Variants in PTPN4 observed in about 807,000 individuals in gnomAD.
PTPN4 encodes the protein protein tyrosine phosphatase non-receptor type 4.
Under a neutral mutation model 135.5 loss-of-function variants are expected in PTPN4, and 49 were observed. The ratio of observed to expected loss-of-function variants is 0.36; its 90% CI spans 0.29 to 0.46. The LOEUF (loss-of-function observed/expected upper bound fraction) is 0.46. PTPN4 is among the 20% of genes least tolerant of loss of function. The pLI is 1.00. For synonymous variants in PTPN4, 333 were observed against 369.9 expected (o/e 0.90, Z 1.14); for missense variants, 860 against 1,101.0 (o/e 0.78, Z 3.10).
chr2:119,881,856 A>T (rs1370623805), intron 6 of PTPN4, 26 bp downstream of exon 6: 3 of 1,470,732 alleles, frequency 2.0e-6, no homozygotes, highest in African/African-American at 1.4e-5. Context: ...TTCTTAAAAA[A>T]TTTTTTGTAA....
intron 5 of PTPN4, among the ~76,000 whole-genome samples, chr2:119,878,652 T>C (rs1678020018): frequency 6.6e-6 from 1 of 151,458 alleles, no homozygotes; most frequent in Non-Finnish European, 1.5e-5. Context: ...AGATTTCTTT[T>C]CAGTCAGTGT....
At chr2:119,818,084 A>G (rs1400670398) in intron 2 of PTPN4, among the ~76,000 whole-genome samples, 2 of 152,162 alleles carry the variant, frequency 1.3e-5, no homozygotes, top group African/African-American at 4.8e-5. Flanking sequence ...GGTTTTCTAG[A>G]TATAGGATCA....
At chr2:119,877,275 T>A (rs1263254107) in intron 3 of PTPN4, 48 bp from the exon 4 acceptor site, 1 of 1,573,390 alleles carries the variant, frequency 6.4e-7, no homozygotes, top group African/African-American at 1.4e-5. Flanking sequence ...ATCAATATAG[T>A]AGTTCCTCAA....
intron 1 of PTPN4, among the ~76,000 whole-genome samples, chr2:119,779,983 A>G (rs900685082): frequency 6.6e-6 from 1 of 152,000 alleles, no homozygotes; most frequent in African/African-American, 2.4e-5. Context: ...TGGACTCAAG[A>G]ACTCTGCCCT....
chr2:119,946,625 T>TA (rs1232440876), intron 18 of PTPN4, 51 bp downstream of exon 18: 11 of 1,304,450 alleles, frequency 8.4e-6, no homozygotes, highest in Middle Eastern at 1.9e-4. Context: ...AATATGTACT[T>TA]ATTTTATAAT....
In PTPN4 at chr2:119,973,494, A is replaced by G. The variant is rs189571070; in HGVS notation, c.2695-3490A>G. Among the ~76,000 whole-genome samples the G allele has an allele frequency of 1.7e-4, 26 of 152,192 alleles. No individual in the cohort carries two copies. The East Asian group carries it at 4.4e-3, about 26-fold the overall frequency. On this transcript the variant is annotated intron_variant, in intron 26 of 26. Transcript: ENST00000263708. ...GACCTTGCTTTCATTTCTTTCAGGT[A>G]TATACCTAGAAGAGGAATTCCTGGA...
At chr2:119,832,742 C>CTT (rs565968570) in intron 2 of PTPN4, among the ~76,000 whole-genome samples, 4 of 150,464 alleles carry the variant, frequency 2.7e-5, no homozygotes, top group Non-Finnish European at 3.0e-5. Flanking sequence ...ATTCTTGTAC[C>CTT]TTTTTTTTTA....
intron 8 of PTPN4, among the ~76,000 whole-genome samples, chr2:119,884,024 C>T (rs970075157): frequency 2.6e-5 from 4 of 152,270 alleles, no homozygotes; most frequent in South Asian, 4.1e-4. Context: ...CTCAGCCTCC[C>T]GGTAGCCAGG....
At chr2:119,914,937 T>A (rs936793387) in intron 10 of PTPN4, among the ~76,000 whole-genome samples, 1 of 152,190 alleles carries the variant, frequency 6.6e-6, no homozygotes, top group Non-Finnish European at 1.5e-5. Context: ...TTTTGAAATT[T>A]TAATTTGTGA....
chr2:119,926,121 A>G (rs926186640), intron 12 of PTPN4, among the ~76,000 whole-genome samples: 1 of 152,214 alleles, frequency 6.6e-6, no homozygotes, highest in African/African-American at 2.4e-5. Flanking sequence ...TACATTTGAT[A>G]TACCGCAAAT....
At chr2:119,899,042 T>G (rs1437183518) in intron 9 of PTPN4, among the ~76,000 whole-genome samples, 1 of 152,172 alleles carries the variant, frequency 6.6e-6, no homozygotes, top group Non-Finnish European at 1.5e-5. Flanking sequence ...CTGTTTCTCT[T>G]TACTGTAGCC....
intron 2 of PTPN4, among the ~76,000 whole-genome samples, chr2:119,815,734 T>C (rs1333397000): frequency 6.6e-6 from 1 of 152,186 alleles, no homozygotes; most frequent in African/African-American, 2.4e-5. Flanking sequence ...TTATGGAGTA[T>C]AATTCAAAAA....
intron 2 of PTPN4, among the ~76,000 whole-genome samples, chr2:119,827,900 C>T (rs1677167610): frequency 6.6e-6 from 1 of 152,110 alleles, no homozygotes; most frequent in African/African-American, 2.4e-5. Flanking sequence ...TAGCTAGTGT[C>T]AATAGATGGC....
chr2:119,862,480 G>A, intron 2 of PTPN4, 56 bp from the exon 3 acceptor site: 2 of 1,475,214 alleles, frequency 1.4e-6, no homozygotes, highest in East Asian at 2.3e-5. Flanking sequence ...GTTAAAAAAT[G>A]TGAAGAATGT....
intron 1 of PTPN4, among the ~76,000 whole-genome samples, chr2:119,781,617 C>T (rs1288664407): frequency 6.6e-6 from 1 of 152,084 alleles, no homozygotes; most frequent in East Asian, 1.9e-4. Flanking sequence ...CAAATCTGAC[C>T]ACCACCTTTT....
intron 2 of PTPN4, among the ~76,000 whole-genome samples, chr2:119,824,625 A>G (rs1197051271): frequency 6.6e-6 from 1 of 152,114 alleles, no homozygotes; most frequent in Admixed American, 6.5e-5. Flanking sequence ...TTAGATACCC[A>G]TTTGGGACTG....
At chr2:119,835,715 T>G (rs1174492713) in intron 2 of PTPN4, among the ~76,000 whole-genome samples, 1 of 152,114 alleles carries the variant, frequency 6.6e-6, no homozygotes, top group Non-Finnish European at 1.5e-5. Flanking sequence ...TAAATAATTA[T>G]GTTTTTTCTT....
Position 119,915,147 on chromosome 2 carries a change from A to G in PTPN4, c.765-32A>G, listed in dbSNP as rs149290775. ...TTGTTAATATTTTTATCATTATTCAATACTTTGAATAATTTATTGTCTTTT... is the reference window on the plus strand; with the variant it reads ...TTGTTAATATTTTTATCATTATTCAGTACTTTGAATAATTTATTGTCTTTT... On this transcript the variant is annotated intron_variant, in intron 10 of 26. Transcript: ENST00000263708. The G allele has an allele frequency of 6.5e-5, 95 of 1,461,714 alleles. 1 individual carries two copies. The African/African-American group carries it at 9.8e-4, about 15-fold the overall frequency. The allele number at this position is 1,461,714 out of a possible 1,614,324, so 90.5% of individuals were successfully genotyped here.
chr2:119,971,588 T>C (rs1306114476), intron 26 of PTPN4, among the ~76,000 whole-genome samples: 2 of 152,224 alleles, frequency 1.3e-5, no homozygotes, highest in African/African-American at 4.8e-5. Flanking sequence ...TCTGATCAGA[T>C]CTGTGGTTTG....
Sources: gnomAD v4.1 joint callset for allele counts (sites outside exome capture counted in the v4.1 genomes callset) on GRCh38, gnomAD v4.1.1 for gene constraint, MANE v1.5 for transcripts, NCBI Gene and HGNC (gene_info 2026-07-23, HGNC 2026-07-21) for gene names.